NALF1: variants seen among roughly 807,000 people sequenced by gnomAD.
NALF1 encodes the protein NALCN channel auxiliary factor 1.
In NALF1, 3 loss-of-function variants were observed where a neutral mutation model predicts 48.4. The observed-to-expected ratio is 0.06, with a 90% CI of 0.03 to 0.16. NALF1 has a LOEUF of 0.16. Among genes scored for constraint, NALF1 ranks in the 10% least tolerant of loss-of-function variants. The probability of loss-of-function intolerance (pLI) is 1.00; values close to 1 mark genes in which losing one functional copy is unlikely to be tolerated. For missense variants in NALF1, 526 were observed against 571.5 expected (o/e 0.92, Z 0.81); for synonymous variants, 262 against 245.7 (o/e 1.07, Z -0.62).
chr13:107,321,594 G>A (rs1458203502), intron 1 of NALF1, among the ~76,000 whole-genome samples: 2 of 151,980 alleles, frequency 1.3e-5, no homozygotes, highest in Non-Finnish European at 2.9e-5. Context: ...ATCTCTACAT[G>A]GTAAAAAGTT....
chr13:107,330,610 A>G (rs1057018236), intron 1 of NALF1, among the ~76,000 whole-genome samples: 1 of 152,268 alleles, frequency 6.6e-6, no homozygotes, highest in Admixed American at 6.5e-5. Flanking sequence ...GAATTATCAC[A>G]TAAGGTCTTT....
At chr13:107,385,367 A>G (rs1883509758) in intron 1 of NALF1, among the ~76,000 whole-genome samples, 1 of 152,138 alleles carries the variant, frequency 6.6e-6, no homozygotes, top group Non-Finnish European at 1.5e-5. Context: ...AGCCTGGCCA[A>G]CACGGCAAAA....
chr13:107,272,999 A>G (rs553086123), intron 1 of NALF1, among the ~76,000 whole-genome samples: 3 of 152,356 alleles, frequency 2.0e-5, no homozygotes, highest in Admixed American at 6.5e-5. Context: ...TACCCAAAAT[A>G]TGACATCTTG....
rs1310942509 is a variant in NALF1 at position 107,166,801 on chromosome 13, T to C, written c.*3696A>G. ...CTCCCTCACTCCCCTCTTTCCTTCCTTCTTTCCTGTCATTCTTTTGTTTCT... is the reference window on the plus strand; with the variant it reads ...CTCCCTCACTCCCCTCTTTCCTTCCCTCTTTCCTGTCATTCTTTTGTTTCT... On this transcript the variant is annotated 3_prime_UTR_variant, in exon 3 of 3. Coordinates refer to ENST00000375915, the MANE Select transcript of NALF1 (RefSeq NM_001080396.3). 6.6e-6 allele frequency: 1 copy of C among 151,108 alleles called. No homozygotes were observed. The highest frequency in any genetic ancestry group is 2.4e-5 in the African/African-American group (1 of 41,240). The allele number at this position is 151,108 out of a possible 1,614,324, so 9.4% of individuals were successfully genotyped here. A position where few individuals can be genotyped will look rare whatever the true frequency, so the allele number is the denominator to read the frequency against.
At chr13:107,581,144 C>T (rs1277117431) in intron 1 of NALF1, among the ~76,000 whole-genome samples, 1 of 152,084 alleles carries the variant, frequency 6.6e-6, no homozygotes, top group Non-Finnish European at 1.5e-5. Flanking sequence ...GTTCCTCGGA[C>T]GCATTTTGAT....
intron 1 of NALF1, among the ~76,000 whole-genome samples, chr13:107,517,300 T>C (rs1475811415): frequency 6.6e-6 from 1 of 151,918 alleles, no homozygotes; most frequent in African/African-American, 2.4e-5. Flanking sequence ...ACATCCAGGC[T>C]TAATTTACTC....
At chr13:107,514,012 C>T (rs552644793) in intron 1 of NALF1, among the ~76,000 whole-genome samples, 24 of 152,226 alleles carry the variant, frequency 1.6e-4, no homozygotes, top group Admixed American at 7.8e-4. Flanking sequence ...TGCTAAGGAG[C>T]CTTTATCTGC....
intron 1 of NALF1, among the ~76,000 whole-genome samples, chr13:107,620,667 C>T (rs1158114114): frequency 6.6e-6 from 1 of 152,060 alleles, no homozygotes; most frequent in African/African-American, 2.4e-5. Context: ...AACCACTGTG[C>T]ATGTTTAGTA....
At chr13:107,484,236 GA>G (rs1237702210) in intron 1 of NALF1, among the ~76,000 whole-genome samples, 2 of 152,068 alleles carry the variant, frequency 1.3e-5, no homozygotes, top group Non-Finnish European at 2.9e-5. Flanking sequence ...TAAAAAAAGT[GA>G]ATTATCTATT....
At position 107,552,966 on chromosome 13, in the gene NALF1, G is replaced by T. The variant is rs370235036; in HGVS notation, c.915+312716C>A. Among the ~76,000 whole-genome samples the T allele has an allele frequency of 1.4e-3, 207 of 152,034 alleles. 4 individuals are homozygous for T. The highest frequency in any genetic ancestry group is 4.7e-3 in the African/African-American group (193 of 41,484). The stretch of plus-strand genomic sequence containing the variant: ...TTAAATACTCTGAATTGTTATCTAC[G>T]AAATCAGTAGTTAAAATTTAATAAC... On this transcript the variant is annotated intron_variant, in intron 1 of 2. Coordinates refer to ENST00000375915, the MANE Select transcript of NALF1 (RefSeq NM_001080396.3).
chr13:107,777,100 G>A (rs1315019311), intron 1 of NALF1, among the ~76,000 whole-genome samples: 2 of 151,962 alleles, frequency 1.3e-5, no homozygotes, highest in African/African-American at 4.8e-5. Context: ...TCAAACAAAC[G>A]AACGAACAAA....
rs72652744 is a variant in NALF1 at position 107,525,117 on chromosome 13, T to C, written c.916-314362A>G. 5.3e-3 allele frequency among the ~76,000 whole-genome samples: 809 copies of C among 152,226 alleles called. 5 individuals are homozygous for C. Among genetic ancestry groups the C allele is most frequent in the Middle Eastern group, 0.017 (5 of 294 alleles). ...AAACTATATGAACCCCTATTTTTTATTGCATTTTAAATTAACATACAGTAA... is the reference window on the plus strand; with the variant it reads ...AAACTATATGAACCCCTATTTTTTACTGCATTTTAAATTAACATACAGTAA... On this transcript the variant is annotated intron_variant, in intron 1 of 2. Coordinates refer to ENST00000375915, the MANE Select transcript of NALF1 (RefSeq NM_001080396.3).
intron 1 of NALF1, among the ~76,000 whole-genome samples, chr13:107,491,528 C>T (rs1390059445): frequency 6.6e-6 from 1 of 152,134 alleles, no homozygotes; most frequent in Non-Finnish European, 1.5e-5. Flanking sequence ...CCAGAGGTAC[C>T]CTGTGAGTGA....
chr13:107,418,677 A>T (rs1884134825), intron 1 of NALF1, among the ~76,000 whole-genome samples: 1 of 152,022 alleles, frequency 6.6e-6, no homozygotes, highest in East Asian at 1.9e-4. Context: ...ACCTGCTAGG[A>T]AGTTTTTCAA....
intron 1 of NALF1, among the ~76,000 whole-genome samples, chr13:107,864,915 ACAT>A (rs1463384045): frequency 6.6e-6 from 1 of 152,216 alleles, no homozygotes; most frequent in African/African-American, 2.4e-5. Context: ...AATTTTAACT[ACAT>A]CATCAACGTT....
At chr13:107,591,879 T>C (rs762413084) in intron 1 of NALF1, among the ~76,000 whole-genome samples, 3 of 151,960 alleles carry the variant, frequency 2.0e-5, no homozygotes, top group Non-Finnish European at 4.4e-5. Context: ...ATACTGAAGA[T>C]GGATGGAGAC....
intron 1 of NALF1, among the ~76,000 whole-genome samples, chr13:107,427,224 A>C (rs1256164853): frequency 2.6e-5 from 4 of 151,710 alleles, no homozygotes; most frequent in Admixed American, 2.6e-4. Context: ...GTAATTTTTA[A>C]ATTCCATCTC....
At chr13:107,480,552 A>G (rs1885239136) in intron 1 of NALF1, among the ~76,000 whole-genome samples, 1 of 152,140 alleles carries the variant, frequency 6.6e-6, no homozygotes, top group South Asian at 2.1e-4. Flanking sequence ...CCACACATAA[A>G]ATATACTAAC....
chr13:107,734,900 C>T (rs1350599671), intron 1 of NALF1, among the ~76,000 whole-genome samples: 1 of 152,072 alleles, frequency 6.6e-6, no homozygotes, highest in African/African-American at 2.4e-5. Context: ...TGTACTCCAG[C>T]CCCACGTTTA....
Sources: allele counts gnomAD v4.1 joint callset (sites outside exome capture counted in the v4.1 genomes callset), GRCh38; gene constraint gnomAD v4.1.1; transcripts MANE v1.5; gene names NCBI Gene and HGNC (gene_info 2026-07-23, HGNC 2026-07-21).